MINAR1: variants seen among roughly 807,000 people sequenced by gnomAD.
MINAR1 encodes the protein membrane integral NOTCH2 associated receptor 1.
MINAR1 carries 40 observed loss-of-function variants against 65.1 expected under a neutral mutation model. That is an observed-to-expected ratio of 0.61 (90% confidence interval 0.48 to 0.80). The LOEUF is 0.80. MINAR1 is among the 30% of genes least tolerant of loss of function. MINAR1 has a pLI of 0.00. For synonymous variants in MINAR1, 482 were observed against 449.1 expected (o/e 1.07, Z -0.93); for missense variants, 1,128 against 1,148.0 (o/e 0.98, Z 0.25).
intron 1 of MINAR1, among the ~76,000 whole-genome samples, chr15:79,445,928 A>T (rs1437278742): frequency 6.6e-6 from 1 of 152,234 alleles, no homozygotes; most frequent in African/African-American, 2.4e-5. Context: ...CTTGAGAGTC[A>T]TAGTCTTGTA....
intron 1 of MINAR1, among the ~76,000 whole-genome samples, chr15:79,453,396 G>A (rs1895304586): frequency 6.6e-6 from 1 of 151,362 alleles, no homozygotes; most frequent in South Asian, 2.1e-4. Context: ...CACCTCTCTG[G>A]ATTATATAGT....
At chr15:79,443,574 T>A (rs558051995) in intron 1 of MINAR1, among the ~76,000 whole-genome samples, 85 of 152,332 alleles carry the variant, frequency 5.6e-4, no homozygotes, top group African/African-American at 2.0e-3. Context: ...TATTTGAGGT[T>A]TTTTTTCCAA....
At chr15:79,432,995 C>T (rs925057866) in intron 1 of MINAR1, among the ~76,000 whole-genome samples, 1 of 152,224 alleles carries the variant, frequency 6.6e-6, no homozygotes, top group Non-Finnish European at 1.5e-5. Context: ...CCGGTGCATC[C>T]AATTCTTAAA....
intron 1 of MINAR1, among the ~76,000 whole-genome samples, chr15:79,441,631 A>C (rs776890672): frequency 4.1e-4 from 63 of 152,198 alleles, no homozygotes; most frequent in Non-Finnish European, 6.8e-4. Flanking sequence ...TTCAAGTTTT[A>C]TTGTTGATTA....
At chr15:79,463,757 C>T in intron 3 of MINAR1, 1 of 458,640 alleles carries the variant, frequency 2.2e-6, no homozygotes, top group Non-Finnish European at 4.4e-6. Context: ...CGGAGCAGCC[C>T]CAGGTAAGAG....
At chr15:79,463,777 G>C (rs554198785) in intron 3 of MINAR1, 8 of 457,010 alleles carry the variant, frequency 1.8e-5, no homozygotes, top group South Asian at 1.2e-4. Context: ...GCCATCCCCG[G>C]AAGCTCTGTG....
chr15:79,467,478 C>T (rs1895910063), intron 3 of MINAR1, among the ~76,000 whole-genome samples: 1 of 152,142 alleles, frequency 6.6e-6, no homozygotes, highest in Non-Finnish European at 1.5e-5. Flanking sequence ...GGTATTTCTC[C>T]TGATGACAGT....
At chr15:79,415,236 G>C in the MINAR1 span, 1 of 152,206 alleles carries the variant, frequency 6.6e-6, no homozygotes, top group African/African-American at 2.4e-5. Flanking sequence ...TCTGGAATAG[G>C]GACAGGCACA....
intron 1 of MINAR1, among the ~76,000 whole-genome samples, chr15:79,455,261 TTTTC>T (rs1197791164): frequency 1.3e-5 from 2 of 152,220 alleles, no homozygotes; most frequent in Non-Finnish European, 2.9e-5. Flanking sequence ...GTGCACATTA[TTTTC>T]TTTCATTTTT....
intron 3 of MINAR1, among the ~76,000 whole-genome samples, chr15:79,467,820 T>TC (rs1595958582): frequency 1.3e-5 from 2 of 152,220 alleles, no homozygotes; most frequent in African/African-American, 4.8e-5. Flanking sequence ...AAAGCATTTT[T>TC]CAGTGACTTT....
chr15:79,457,651 C>G lies in MINAR1; in HGVS notation c.1504C>G (p.His502Asp). ...TGGTCAGGGCAAGTACAGTGACAGGCACACCATGAAGCACTCAGACGATGA... is the reference window on the plus strand; with the variant it reads ...TGGTCAGGGCAAGTACAGTGACAGGGACACCATGAAGCACTCAGACGATGA... ...TSGQGKYSDR[H>D]TMKHSDDDSE... The change falls in exon 2 of 4, where the codon CAC becomes GAC. Residue 502 changes from histidine to aspartate, a missense_variant. By Grantham distance (81) the His-to-Asp change is moderately conservative. Transcript: ENST00000305428. The G allele has an allele frequency of 6.2e-7, 1 of 1,614,174 alleles. No individual in the cohort carries two copies. Among genetic ancestry groups the G allele is most frequent in the Non-Finnish European group, 8.5e-7 (1 of 1,180,036 alleles).
the MINAR1 span, chr15:79,426,818 C>T: frequency 6.6e-6 from 1 of 152,212 alleles, no homozygotes; most frequent in Non-Finnish European, 1.5e-5. Flanking sequence ...CACTGGGCTG[C>T]ATTCAGAAGA....
intron 1 of MINAR1, among the ~76,000 whole-genome samples, chr15:79,439,729 C>T (rs969977213): frequency 2.0e-5 from 3 of 151,860 alleles, no homozygotes; most frequent in Admixed American, 2.0e-4. Context: ...TAGTTTTGTC[C>T]TGGTGAGGAG....
upstream of MINAR1, chr15:79,427,346 G>A (rs1375826282): frequency 2.0e-5 from 3 of 152,104 alleles, no homozygotes; most frequent in African/African-American, 7.2e-5. Flanking sequence ...AAAATAATCT[G>A]TACAACAAAC....
rs1342820512 is a variant in MINAR1, at chr15:79,458,343, C to G, written c.2196C>G (p.Asp732Glu). 6.2e-7 allele frequency: 1 copy of G among 1,614,226 alleles called. No individual in the cohort carries two copies. Among genetic ancestry groups the G allele is most frequent in the Admixed American group, 1.7e-5 (1 of 60,024 alleles). ...KIASISNSPRDWRTITYTNRV... is the reference protein window; with the variant it reads ...KIASISNSPREWRTITYTNRV... ...CCAGCATCTCCAACTCGCCCAGAGA[C>G]TGGCGCACCATCACTTATACCAACC... is the stretch of plus-strand genomic sequence containing the variant. The change falls in exon 2 of 4, where the codon GAC becomes GAG. Residue 732 changes from aspartate to glutamate, a missense_variant. Coordinates refer to ENST00000305428, the MANE Select transcript of MINAR1 (RefSeq NM_015206.3).
intron 1 of MINAR1, among the ~76,000 whole-genome samples, chr15:79,447,773 C>T (rs1354644959): frequency 6.6e-6 from 1 of 152,042 alleles, no homozygotes; most frequent in African/African-American, 2.4e-5. Context: ...AAGACATTGG[C>T]CTTGTTTTCC....
intron 1 of MINAR1, among the ~76,000 whole-genome samples, chr15:79,447,140 A>T (rs780513586): frequency 2.6e-5 from 4 of 152,110 alleles, no homozygotes; most frequent in Non-Finnish European, 5.9e-5. Flanking sequence ...CACCCACCTC[A>T]GCCTCCCAAA....
chr15:79,431,773 T>C (rs755498883), upstream of MINAR1, among the ~76,000 whole-genome samples: 5 of 152,088 alleles, frequency 3.3e-5, no homozygotes, highest in Admixed American at 6.5e-5. Flanking sequence ...ACCCCGCGGG[T>C]GGCTCCGGGT....
intron 1 of MINAR1, among the ~76,000 whole-genome samples, chr15:79,451,023 C>A (rs951018430): frequency 1.3e-5 from 2 of 152,182 alleles, no homozygotes; most frequent in Admixed American, 1.3e-4. Context: ...ACCTATCCAA[C>A]GTCACATAGT....
Sources: gnomAD v4.1 joint callset for allele counts (sites outside exome capture counted in the v4.1 genomes callset) on GRCh38, gnomAD v4.1.1 for gene constraint, MANE v1.5 for transcripts, NCBI Gene and HGNC (gene_info 2026-07-23, HGNC 2026-07-21) for gene names.